DNAH14: variants seen among roughly 807,000 people sequenced by gnomAD.
DNAH14 encodes the protein axonemal beta dynein heavy chain 14.
Under a neutral mutation model 520.9 loss-of-function variants are expected in DNAH14, and 478 were observed. The ratio of observed to expected loss-of-function variants is 0.92; its 90% CI spans 0.85 to 0.99. The LOEUF (loss-of-function observed/expected upper bound fraction) is 0.99, where lower values mean the gene tolerates loss of function less well. Among genes scored for constraint, DNAH14 ranks in the 50% least tolerant of loss-of-function variants. DNAH14 has a pLI of 0.00. For synonymous variants in DNAH14, 1,581 were observed against 1,757.2 expected (o/e 0.90, Z 2.51); for missense variants, 4,831 against 5,234.5 (o/e 0.92, Z 2.38).
In DNAH14 at chr1:225,371,469, AT is replaced by A. The variant is rs371947438; in HGVS notation, c.12319-3217del. Among the ~76,000 whole-genome samples, 358 of 152,288 alleles carry A rather than the reference AT, an allele frequency of 2.4e-3. 2 individuals carry two copies. The highest frequency in any genetic ancestry group is 7.4e-3 in the African/African-American group (309 of 41,578). ...CTATCTAAAAATAACAATGAATGTT[AT>A]TCCACATAGTCAAACACTGAAATTG... is the stretch of plus-strand genomic sequence containing the variant. On this transcript the variant is annotated intron_variant, in intron 77 of 85. Coordinates refer to ENST00000682510, the MANE Select transcript of DNAH14 (RefSeq NM_001367479.1).
intron 35 of DNAH14, among the ~76,000 whole-genome samples, chr1:225,166,754 A>T (rs2082081439): frequency 6.6e-6 from 1 of 152,242 alleles, no homozygotes; most frequent in Non-Finnish European, 1.5e-5. Context: ...TAACTAAAAG[A>T]TTAACTGAGA....
At chr1:225,152,173 T>A in intron 32 of DNAH14, 100 bp downstream of exon 32, 1 of 1,025,932 alleles carries the variant, frequency 9.7e-7, no homozygotes, top group Non-Finnish European at 1.4e-6. Context: ...TCTATCCATA[T>A]ATCTGTCTCC....
At position 225,339,031 on chromosome 1, in the gene DNAH14, G is replaced by A. The variant is rs979057149; in HGVS notation, c.10433+849G>A. ...CTCTTCTGTGGCCGGGCGTGGTGGC[G>A]CACGCCTGTAATCCCAGCACTTTGG... On this transcript the variant is annotated intron_variant, in intron 68 of 85. Coordinates refer to ENST00000682510, the MANE Select transcript of DNAH14 (RefSeq NM_001367479.1). Among the ~76,000 whole-genome samples, 13 of 151,722 alleles carry A rather than the reference G, an allele frequency of 8.6e-5. 1 individual carries two copies. The highest frequency in any genetic ancestry group is 3.3e-4 in the Admixed American group (5 of 15,216).
intron 81 of DNAH14, among the ~76,000 whole-genome samples, chr1:225,382,117 C>T (rs1272419481): frequency 2.0e-5 from 3 of 152,176 alleles, no homozygotes; most frequent in African/African-American, 7.2e-5. Flanking sequence ...ACCCTGAATC[C>T]TATACCAGAT....
chr1:225,272,049 G>A lies in DNAH14; in HGVS notation c.7815G>A (p.Met2605Ile). ...MLPTPTKCHY[M>I]FNLRDMFKLL... ...CAACTCCAACAAAATGTCACTACATGTTTAATCTTCGAGATATGTTTAAGG... is the reference window on the plus strand; with the variant it reads ...CAACTCCAACAAAATGTCACTACATATTTAATCTTCGAGATATGTTTAAGG... The change falls in exon 51 of 86, where the codon ATG becomes ATA. Residue 2605 changes from methionine (M) to isoleucine (I), a missense_variant. Met to Ile is a conservative substitution (Grantham distance 10, BLOSUM62 1). Coordinates refer to ENST00000682510, the MANE Select transcript of DNAH14 (RefSeq NM_001367479.1). 1 of 1,549,692 alleles carries A rather than the reference G, an allele frequency of 6.5e-7. No individual in the cohort carries two copies. Among genetic ancestry groups the A allele is most frequent in the Non-Finnish European group, 8.7e-7 (1 of 1,146,352 alleles).
intron 51 of DNAH14, among the ~76,000 whole-genome samples, chr1:225,272,318 T>C (rs2093336739): frequency 6.6e-6 from 1 of 152,210 alleles, no homozygotes; most frequent in South Asian, 2.1e-4. Flanking sequence ...GAGAAATAAG[T>C]GACAAGGTTA....
intron 73 of DNAH14, chr1:225,354,227 G>C: frequency 1.4e-6 from 1 of 701,930 alleles, no homozygotes; most frequent in African/African-American, 1.7e-5. Flanking sequence ...AACAGACCTT[G>C]GTCCTGTAGG....
At chr1:225,107,895 G>A (rs988575869) in intron 23 of DNAH14, among the ~76,000 whole-genome samples, 1 of 152,150 alleles carries the variant, frequency 6.6e-6, no homozygotes, top group African/African-American at 2.4e-5. Context: ...GATGATCAGT[G>A]ATAATAAACA....
At chr1:225,274,236 G>C (rs1164702738) in intron 52 of DNAH14, among the ~76,000 whole-genome samples, 8 of 112,390 alleles carry the variant, frequency 7.1e-5, no homozygotes, top group African/African-American at 2.5e-4. Context: ...ACGGAGTCTC[G>C]TTCTGTCGCC....
chr1:224,968,759 G>A lies in DNAH14; in HGVS notation c.652G>A (p.Val218Ile). 1 of 1,431,342 alleles carries A rather than the reference G, an allele frequency of 7.0e-7. No individual in the cohort carries two copies. Among genetic ancestry groups the A allele is most frequent in the Non-Finnish European group, 9.3e-7 (1 of 1,077,484 alleles). The allele number at this position is 1,431,342 out of a possible 1,614,324, so 88.7% of individuals were successfully genotyped here. Residue 218 changes from valine (V) to isoleucine (I), a missense_variant and splice_region_variant, in exon 7 of 86, where the codon GTT becomes ATT. By Grantham distance (29) the Val-to-Ile change is conservative. Transcript: ENST00000682510. ...AATGCTTTTGTGCTTTATTTTGTAG[G>A]TTATTAATATAGTTGGTAGTGTAAA... is the stretch of plus-strand genomic sequence containing the variant. The part of the protein sequence containing the change: ...WVITASFISK[V>I]INIVGSVKEV...
At chr1:225,031,296 C>G (rs1011429691) in intron 11 of DNAH14, among the ~76,000 whole-genome samples, 2 of 151,954 alleles carry the variant, frequency 1.3e-5, no homozygotes, top group Non-Finnish European at 2.9e-5. Flanking sequence ...CTACTTAGAC[C>G]AAGTGTCAAC....
At chr1:225,243,788 T>C (rs948316752) in intron 43 of DNAH14, among the ~76,000 whole-genome samples, 1 of 152,104 alleles carries the variant, frequency 6.6e-6, no homozygotes, top group African/African-American at 2.4e-5. Context: ...TCATGTCATC[T>C]GCAAACAGGA....
chr1:225,198,770 T>C (rs2149385436), intron 38 of DNAH14, among the ~76,000 whole-genome samples: 1 of 152,324 alleles, frequency 6.6e-6, no homozygotes, highest in East Asian at 1.9e-4. Flanking sequence ...CTTGCATCTA[T>C]GTTCATCAGG....
chr1:225,340,968 C>G (rs906858310), intron 69 of DNAH14, among the ~76,000 whole-genome samples: 1 of 152,190 alleles, frequency 6.6e-6, no homozygotes, highest in African/African-American at 2.4e-5. Context: ...CTTACGGAAT[C>G]TAGTTAGTTC....
intron 8 of DNAH14, among the ~76,000 whole-genome samples, chr1:224,983,001 T>G (rs565263339): frequency 2.0e-4 from 30 of 152,352 alleles, no homozygotes; most frequent in African/African-American, 7.2e-4. Context: ...ATCCATTATT[T>G]CTTTGTTGAC....
intron 10 of DNAH14, among the ~76,000 whole-genome samples, chr1:225,015,805 A>T (rs551404083): frequency 6.6e-6 from 1 of 152,170 alleles, no homozygotes. Context: ...ACTATGGAGG[A>T]TTCACCACCA....
At chr1:225,221,052 G>A (rs774301299) in intron 41 of DNAH14, among the ~76,000 whole-genome samples, 6 of 152,094 alleles carry the variant, frequency 3.9e-5, no homozygotes, top group South Asian at 2.1e-4. Flanking sequence ...CAAGCAATGG[G>A]GAAAGGATTC....
intron 41 of DNAH14, among the ~76,000 whole-genome samples, chr1:225,229,114 T>A (rs1474754031): frequency 6.6e-6 from 1 of 152,152 alleles, no homozygotes; most frequent in Non-Finnish European, 1.5e-5. Context: ...TAAATATGAG[T>A]GTAGCCGGCT....
chr1:225,141,226 T>C (rs1319589057), intron 28 of DNAH14, among the ~76,000 whole-genome samples: 2 of 152,144 alleles, frequency 1.3e-5, no homozygotes, highest in African/African-American at 2.4e-5. Flanking sequence ...CTATGGTCAA[T>C]TGTGGCCCAA....
Sources: allele counts gnomAD v4.1 joint callset (sites outside exome capture counted in the v4.1 genomes callset), GRCh38; gene constraint gnomAD v4.1.1; transcripts MANE v1.5; gene names NCBI Gene and HGNC (gene_info 2026-07-23, HGNC 2026-07-21).